ATP8A2: variants seen among roughly 807,000 people sequenced by gnomAD.
ATP8A2 encodes the protein phospholipid-transporting ATPase IB.
ATP8A2 carries 100 observed loss-of-function variants against 165.6 expected under a neutral mutation model. That is an observed-to-expected ratio of 0.60 (90% CI 0.51 to 0.71). The LOEUF is 0.71. ATP8A2 is among the 30% of genes least tolerant of loss of function. ATP8A2 has a pLI of 0.00. For synonymous variants in ATP8A2, 543 were observed against 548.8 expected (o/e 0.99, Z 0.15); for missense variants, 1,227 against 1,479.5 (o/e 0.83, Z 2.80).
intron 25 of ATP8A2, among the ~76,000 whole-genome samples, chr13:25,748,894 A>G (rs769220724): frequency 1.3e-5 from 2 of 152,182 alleles, no homozygotes; most frequent in Middle Eastern, 3.2e-3. Flanking sequence ...ATTTGTAAAG[A>G]GTGCCCCCCA....
chr13:25,673,405 C>G (rs965542149), intron 24 of ATP8A2, among the ~76,000 whole-genome samples: 1 of 152,224 alleles, frequency 6.6e-6, no homozygotes, highest in African/African-American at 2.4e-5. Context: ...AGCAGAGACT[C>G]TGACTTCTGT....
chr13:25,734,497 G>A (rs1358999286), intron 25 of ATP8A2, among the ~76,000 whole-genome samples: 2 of 152,184 alleles, frequency 1.3e-5, no homozygotes, highest in African/African-American at 4.8e-5. Flanking sequence ...GTCTTAGCAA[G>A]CATTTATTGA....
rs143307931 is a variant in ATP8A2 at position 25,638,134 on chromosome 13, A to G, written c.2211+48435A>G. Among the ~76,000 whole-genome samples, 2,615 of 152,338 alleles carry G rather than the reference A, an allele frequency of 0.017. 197 individuals carry two copies. The East Asian group carries it at 0.24, about 14-fold the overall frequency. On this transcript the variant is annotated intron_variant, in intron 24 of 36. Transcript: ENST00000381655. Reference sequence around the variant, plus strand: ...GTCACCATCATCAAAGACCAAAGATAGATAAAACCACAAAGATGGGGAAAA... The same window carrying G: ...GTCACCATCATCAAAGACCAAAGATGGATAAAACCACAAAGATGGGGAAAA...
intron 24 of ATP8A2, among the ~76,000 whole-genome samples, chr13:25,696,142 T>C (rs915184419): frequency 2.0e-5 from 3 of 152,216 alleles, no homozygotes; most frequent in African/African-American, 7.2e-5. Flanking sequence ...GCATTGTTAG[T>C]GAGCAGTAAT....
At chr13:25,566,627 GA>G (rs1472094770) in intron 16 of ATP8A2, among the ~76,000 whole-genome samples, 1 of 152,134 alleles carries the variant, frequency 6.6e-6, no homozygotes, top group Non-Finnish European at 1.5e-5. Flanking sequence ...AGTAGCAAAG[GA>G]AATAAGATGA....
chr13:25,630,711 A>G (rs1441932265), intron 24 of ATP8A2, among the ~76,000 whole-genome samples: 3 of 152,098 alleles, frequency 2.0e-5, no homozygotes, highest in African/African-American at 2.4e-5. Context: ...TTAATAATAC[A>G]TGTTGGTGAT....
intron 8 of ATP8A2, among the ~76,000 whole-genome samples, 157 bp downstream of exon 8, chr13:25,540,545 A>G (rs551771265): frequency 3.3e-5 from 5 of 152,328 alleles, no homozygotes; most frequent in Non-Finnish European, 7.3e-5. Flanking sequence ...TTATGATGAG[A>G]GAGAATGTGT....
chr13:25,616,218 C>A (rs1209505098), intron 24 of ATP8A2, among the ~76,000 whole-genome samples: 1 of 152,096 alleles, frequency 6.6e-6, no homozygotes, highest in Non-Finnish European at 1.5e-5. Context: ...CTACCAAACC[C>A]ATGCCACCCA....
chr13:25,623,227 A>G (rs1389597688), intron 24 of ATP8A2, among the ~76,000 whole-genome samples: 2 of 152,114 alleles, frequency 1.3e-5, no homozygotes, highest in South Asian at 2.1e-4. Flanking sequence ...TACTAAAAGT[A>G]AAATAAAAAT....
chr13:25,893,911 T>C (rs1341313499), intron 33 of ATP8A2, among the ~76,000 whole-genome samples: 1 of 152,242 alleles, frequency 6.6e-6, no homozygotes, highest in Non-Finnish European at 1.5e-5. Flanking sequence ...TGTTCTTTTC[T>C]TGTAAATTTG....
At chr13:25,943,883 G>A (rs1228200003) in intron 33 of ATP8A2, among the ~76,000 whole-genome samples, 1 of 152,210 alleles carries the variant, frequency 6.6e-6, no homozygotes, top group East Asian at 1.9e-4. Context: ...GCGTAATGAT[G>A]CATGACTGCT....
intron 34 of ATP8A2, among the ~76,000 whole-genome samples, chr13:25,965,968 T>C (rs969974795): frequency 6.6e-6 from 1 of 150,918 alleles, no homozygotes; most frequent in East Asian, 1.9e-4. Context: ...TTTAGAATTA[T>C]ATGTTTCCTT....
At chr13:25,789,469 C>T (rs1295976697) in intron 27 of ATP8A2, among the ~76,000 whole-genome samples, 1 of 152,046 alleles carries the variant, frequency 6.6e-6, no homozygotes, top group South Asian at 2.1e-4. Flanking sequence ...AGAGTCAAAT[C>T]GGGAAAACAA....
At chr13:25,439,643 G>A (rs1411726289) in intron 1 of ATP8A2, among the ~76,000 whole-genome samples, 1 of 152,178 alleles carries the variant, frequency 6.6e-6, no homozygotes, top group Non-Finnish European at 1.5e-5. Context: ...AGGCACAGCA[G>A]CTCATGCCTG....
At chr13:25,574,487 A>G (rs1427795920) in intron 18 of ATP8A2, among the ~76,000 whole-genome samples, 2 of 152,244 alleles carry the variant, frequency 1.3e-5, no homozygotes, top group Admixed American at 6.5e-5. Flanking sequence ...ATATGTCTAT[A>G]TAATTTGTAA....
intron 29 of ATP8A2, among the ~76,000 whole-genome samples, chr13:25,838,029 G>A (rs1951663430): frequency 6.6e-6 from 1 of 152,178 alleles, no homozygotes; most frequent in Admixed American, 6.5e-5. Flanking sequence ...GCACAGAGGG[G>A]CGAGATGTGA....
intron 29 of ATP8A2, among the ~76,000 whole-genome samples, chr13:25,839,328 A>G (rs892481152): frequency 6.6e-6 from 1 of 152,160 alleles, no homozygotes; most frequent in Non-Finnish European, 1.5e-5. Flanking sequence ...CTTTGTAACT[A>G]AAGTAATATG....
chr13:25,724,531 A>G (rs1402760461), intron 25 of ATP8A2, among the ~76,000 whole-genome samples: 1 of 152,228 alleles, frequency 6.6e-6, no homozygotes, highest in African/African-American at 2.4e-5. Flanking sequence ...TTGATGAGTT[A>G]TAACTCCCTT....
At chr13:25,415,040 G>A (rs1025427214) in intron 1 of ATP8A2, among the ~76,000 whole-genome samples, 14 of 152,308 alleles carry the variant, frequency 9.2e-5, no homozygotes, top group Non-Finnish European at 1.9e-4. Flanking sequence ...TAGAGAGATG[G>A]TTTCGGAGAA....
Sources: gnomAD v4.1 joint callset for allele counts (sites outside exome capture counted in the v4.1 genomes callset) on GRCh38, gnomAD v4.1.1 for gene constraint, MANE v1.5 for transcripts, NCBI Gene and HGNC (gene_info 2026-07-23, HGNC 2026-07-21) for gene names.